Variants in MIEF1 observed in about 807,000 individuals in gnomAD.
The protein encoded by MIEF1 is mitochondrial dynamics protein MIEF1.
In MIEF1, 14 loss-of-function variants were observed where a neutral mutation model predicts 35.1. That is an observed-to-expected ratio of 0.40 (90% CI 0.26 to 0.62). MIEF1 has a LOEUF of 0.62. MIEF1 is among the 20% of genes least tolerant of loss of function. The pLI is 0.43. For missense variants in MIEF1, 542 were observed against 615.4 expected, an observed-to-expected ratio of 0.88 and a Z score of 1.26; for synonymous variants, 245 against 254.3, an observed-to-expected ratio of 0.96 and a Z score of 0.35.
intron 2 of MIEF1, among the ~76,000 whole-genome samples, chr22:39,508,174 C>T (rs954686982): frequency 6.6e-6 from 1 of 152,218 alleles, no homozygotes; most frequent in South Asian, 2.1e-4. Context: ...CACGCGGGGA[C>T]CATTATCCCC....
chr22:39,504,222 C>CA lies in MIEF1; in HGVS notation c.-319dup. On this transcript the variant is annotated 5_prime_UTR_variant, in exon 2 of 6. Transcript: ENST00000325301. ...TTATAGTGTGACACCCAGCCCCTGC[C>CA]AGTCCCCCATGGCCCCGTGGAGCCG... is the stretch of plus-strand genomic sequence containing the variant. The CA allele has an allele frequency of 5.0e-6, 2 of 399,446 alleles. No individual in the cohort carries two copies. Among genetic ancestry groups the CA allele is most frequent in the Non-Finnish European group, 4.4e-6 (1 of 226,368 alleles). 24.7% of individuals were successfully genotyped at this position (399,446 alleles called of 1,614,324 possible).
Position 39,517,874 on chromosome 22 carries a change from G to C in MIEF1, c.*3551G>C, listed in dbSNP as rs1459050357. 1 of 237,076 alleles carries C rather than the reference G, an allele frequency of 4.2e-6. No individual in the cohort carries two copies. The highest frequency in any genetic ancestry group is 8.6e-6 in the Non-Finnish European group (1 of 116,648). 14.7% of individuals were successfully genotyped at this position (237,076 alleles called of 1,614,324 possible). A position where few individuals can be genotyped will look rare whatever the true frequency, so the allele number is the denominator to read the frequency against. ...TCACCTTGTAGTCTTTAAATTCTTG[G>C]TCCCTGAGGCCAAGTCCACAACTTG... On this transcript the variant is annotated 3_prime_UTR_variant, in exon 6 of 6. Transcript: ENST00000325301.
upstream of MIEF1, among the ~76,000 whole-genome samples, chr22:39,500,718 C>G (rs964808976): frequency 9.9e-4 from 150 of 150,846 alleles, no homozygotes; most frequent in African/African-American, 3.5e-3. Context: ...TTTTTGAGAC[C>G]GAGTCTTGTT....
Position 39,513,983 on chromosome 22 carries a change from C to G in MIEF1, c.1052C>G (p.Ala351Gly). The stretch of plus-strand genomic sequence containing the variant: ...CCCGCGGAGACGGCACGCCTGCGGG[C>G]TCTGGACCAGGCTGACTCGGGCTGC... ...LRPAETARLR[A>G]LDQADSGCRS... The change falls in exon 6 of 6, where the codon GCT becomes GGT. Residue 351 changes from alanine to glycine, a missense_variant. Transcript: ENST00000325301. The G allele has an allele frequency of 6.2e-7, 1 of 1,613,168 alleles. No homozygotes were observed. Among genetic ancestry groups the G allele is most frequent in the Non-Finnish European group, 8.5e-7 (1 of 1,180,026 alleles).
At chr22:39,512,592 G>A in intron 5 of MIEF1, 98 bp downstream of exon 5, 1 of 1,446,128 alleles carries the variant, frequency 6.9e-7, no homozygotes, top group Non-Finnish European at 9.3e-7. Flanking sequence ...AAAGACTGAG[G>A]TCTTACAGCT....
At chr22:39,501,752 G>C (rs576062281), upstream of MIEF1, 1 of 152,526 alleles carries the variant, frequency 6.6e-6, no homozygotes, top group East Asian at 1.9e-4. Flanking sequence ...AGGGAGGCGA[G>C]GAAGGGGCTG....
chr22:39,506,142 GC>G (rs1930002544), intron 2 of MIEF1, among the ~76,000 whole-genome samples: 1 of 151,984 alleles, frequency 6.6e-6, no homozygotes, highest in Admixed American at 6.5e-5. Flanking sequence ...TGTGAGTTGG[GC>G]TACACGCTGC....
At chr22:39,511,628 T>C (rs1015031401) in intron 3 of MIEF1, among the ~76,000 whole-genome samples, 190 bp downstream of exon 3, 1 of 152,252 alleles carries the variant, frequency 6.6e-6, no homozygotes, top group African/African-American at 2.4e-5. Context: ...ATACCAGATA[T>C]TACAAACAGT....
chr22:39,512,161 TG>T, intron 4 of MIEF1, 70 bp from the exon 5 acceptor site: 1 of 1,568,146 alleles, frequency 6.4e-7, no homozygotes, highest in South Asian at 1.2e-5. Flanking sequence ...CCCTTCTTTC[TG>T]GGGCTGAGGC....
Position 39,513,545 on chromosome 22 carries a change from T to A in MIEF1, c.614T>A (p.Ile205Asn). ...GTGACAGCTGACCACATCCAACTCA[T>A]TGTGCCCCTTGTGCTGGAGCAGAAC... Reference protein sequence around the residue: ...QVVTADHIQLIVPLVLEQNLW... With the variant: ...QVVTADHIQLNVPLVLEQNLW... The change falls in exon 6 of 6, where the codon ATT becomes AAT. Residue 205 changes from isoleucine to asparagine, a missense_variant. Physicochemically the swap from Ile to Asn is moderately radical, Grantham distance 149 (BLOSUM62 -3). Transcript: ENST00000325301. 1 of 1,614,172 alleles carries A rather than the reference T, an allele frequency of 6.2e-7. No individual in the cohort carries two copies. Among genetic ancestry groups the A allele is most frequent in the Non-Finnish European group, 8.5e-7 (1 of 1,180,014 alleles).
intron 2 of MIEF1, among the ~76,000 whole-genome samples, chr22:39,509,168 C>A (rs1252845340): frequency 2.0e-5 from 3 of 152,076 alleles, no homozygotes; most frequent in African/African-American, 2.4e-5. Flanking sequence ...GTTGGCCAGG[C>A]TGGTCTTGAA....
chr22:39,509,515 C>T (rs1161025844), intron 2 of MIEF1: 1 of 152,282 alleles, frequency 6.6e-6, no homozygotes, highest in East Asian at 1.9e-4. Context: ...CAGCACTGGC[C>T]TGAGCACTGC....
intron 3 of MIEF1, 110 bp downstream of exon 3, chr22:39,511,548 G>T: frequency 7.1e-7 from 1 of 1,413,508 alleles, no homozygotes; most frequent in Non-Finnish European, 9.3e-7. Context: ...TGATCGCAAT[G>T]ATAAGTGAAA....
At position 39,516,358 on chromosome 22, in the gene MIEF1, T is replaced by TA. The variant is rs1930669799; in HGVS notation, c.*2042dup. ...GATTTGGTTTCCCTGCCATGAGTAT[T>TA]AAAAAAATTTAAGTTTTCCCAAGCT... On this transcript the variant is annotated 3_prime_UTR_variant, in exon 6 of 6. Transcript: ENST00000325301. 6.6e-6 allele frequency: 1 copy of TA among 152,146 alleles called. No homozygotes were observed. Among genetic ancestry groups the TA allele is most frequent in the African/African-American group, 2.4e-5 (1 of 41,412 alleles). The allele number at this position is 152,146 out of a possible 1,614,324, so 9.4% of individuals were successfully genotyped here. A position where few individuals can be genotyped will look rare whatever the true frequency, so the allele number is the denominator to read the frequency against.
intron 3 of MIEF1, among the ~76,000 whole-genome samples, 184 bp from the exon 4 acceptor site, chr22:39,511,665 C>T (rs935939098): frequency 6.6e-6 from 1 of 152,228 alleles, no homozygotes; most frequent in Non-Finnish European, 1.5e-5. Context: ...CGTGGATTAT[C>T]TATGTCTTAT....
At chr22:39,513,100 A>ATT (rs1277790294) in intron 5 of MIEF1, among the ~76,000 whole-genome samples, 5 of 122,250 alleles carry the variant, frequency 4.1e-5, no homozygotes, top group South Asian at 2.7e-4. Context: ...ACATGAAAGA[A>ATT]TTTTTTTTTT....
At chr22:39,507,294 G>C (rs778582696) in intron 2 of MIEF1, among the ~76,000 whole-genome samples, 2 of 152,006 alleles carry the variant, frequency 1.3e-5, no homozygotes, top group Non-Finnish European at 2.9e-5. Flanking sequence ...ACCCAGGCTG[G>C]AGTGCAGTGG....
chr22:39,509,269 T>C (rs939869612), intron 2 of MIEF1: 4 of 152,288 alleles, frequency 2.6e-5, no homozygotes, highest in Non-Finnish European at 4.4e-5. Context: ...TGTCTCTTGA[T>C]GTCCTCCCAT....
chr22:39,501,200 T>A (rs545512352), upstream of MIEF1, among the ~76,000 whole-genome samples: 19 of 152,302 alleles, frequency 1.2e-4, no homozygotes, highest in Non-Finnish European at 5.9e-5. Context: ...TCCTGCTCAC[T>A]CAGCTGCGAA....
Sources: allele counts gnomAD v4.1 joint callset (sites outside exome capture counted in the v4.1 genomes callset), GRCh38; gene constraint gnomAD v4.1.1; transcripts MANE v1.5; gene names NCBI Gene and HGNC (gene_info 2026-07-23, HGNC 2026-07-21).